ZNF33A: variants seen among roughly 807,000 people sequenced by gnomAD.
ZNF33A encodes zinc finger protein 33A, also known as brain my041 protein.
A neutral mutation model predicts 15.9 loss-of-function variants in ZNF33A; 9 were observed. The ratio of observed to expected loss-of-function variants is 0.57; its 90% CI spans 0.34 to 0.99. The LOEUF is 0.99. Ranked by LOEUF, ZNF33A falls within the 50% of genes least tolerant of loss-of-function variation. The probability of loss-of-function intolerance (pLI) is 0.02; values close to 1 mark genes in which losing one functional copy is unlikely to be tolerated. For missense variants in ZNF33A, 843 were observed against 941.6 expected, an observed-to-expected ratio of 0.90 and a Z score of 1.37; for synonymous variants, 294 against 324.2, an observed-to-expected ratio of 0.91 and a Z score of 1.00.
At chr10:38,033,744 G>A (rs539701921) in intron 4 of ZNF33A, among the ~76,000 whole-genome samples, 11 of 148,998 alleles carry the variant, frequency 7.4e-5, no homozygotes, top group Non-Finnish European at 1.5e-4. Context: ...ATGGAGTCTC[G>A]CTCTGTTTGC....
In ZNF33A at chr10:38,057,961, A is replaced by G; in HGVS notation, c.*1401A>G. ...GGGTTGAGGCTGGAGCAGAACCAGA[A>G]TCAAGCTGGTGTGGGGCTTTTATTG... On this transcript the variant is annotated 3_prime_UTR_variant, in exon 5 of 5. Transcript: ENST00000432900. 1.0e-6 allele frequency: 1 copy of G among 985,422 alleles called. No homozygotes were observed. Among genetic ancestry groups the G allele is most frequent in the Non-Finnish European group, 1.2e-6 (1 of 829,952 alleles). The allele number at this position is 985,422 out of a possible 1,614,324, so 61.0% of individuals were successfully genotyped here.
At position 38,054,881 on chromosome 10, in the gene ZNF33A, G is replaced by T. The variant is rs1429830149; in HGVS notation, c.757G>T (p.Gly253Trp). Residue 253 changes from glycine (G) to tryptophan (W), a missense_variant, in exon 5 of 5, where the codon GGG (glycine) becomes TGG (tryptophan). Gly to Trp is a radical substitution (Grantham distance 184). Coordinates refer to ENST00000432900, the MANE Select transcript of ZNF33A (RefSeq NM_006954.2). ...GAATAACTGTGATTATAATGAATTT[G>T]GGAGAACTTTGTGTGATAGTTCATC... Reference protein sequence around the residue: ...EENNCDYNEFGRTLCDSSSLL... With the variant: ...EENNCDYNEFWRTLCDSSSLL... The T allele has an allele frequency of 4.3e-6, 7 of 1,613,666 alleles. No individual in the cohort carries two copies. Among genetic ancestry groups the T allele is most frequent in the Admixed American group, 1.7e-5 (1 of 59,966 alleles).
In ZNF33A at chr10:38,017,565, A is replaced by G. The variant is rs1202487217; in HGVS notation, c.250+179A>G. 6.5e-6 allele frequency: 3 copies of G among 462,526 alleles called. No individual in the cohort carries two copies. The East Asian group carries it at 1.1e-4, about 17-fold the overall frequency. The allele number at this position is 462,526 out of a possible 1,614,324, so 28.7% of individuals were successfully genotyped here. ...AACTTCCAGATACTACTCACAAAAA[A>G]TTCCTCCTTTTTGAATCGTTTTTTG... On this transcript the variant is annotated intron_variant, in intron 4 of 4. Transcript: ENST00000432900.
At position 38,022,485 on chromosome 10, in the gene ZNF33A, C is replaced by T. The variant is rs772138182; in HGVS notation, c.250+5099C>T. On this transcript the variant is annotated intron_variant, in intron 4 of 4. Coordinates refer to ENST00000432900, the MANE Select transcript of ZNF33A (RefSeq NM_006954.2). ...CACCCTGGCCAACATGGTGAAACTC[C>T]GTCTCTACTAAAAATACAAAAATTA... Among the ~76,000 whole-genome samples, 4 of 151,936 alleles carry T rather than the reference C, an allele frequency of 2.6e-5. No homozygotes were observed. The East Asian group carries it at 5.8e-4, about 22-fold the overall frequency.
chr10:38,062,717 C>A (rs1200112115), downstream of ZNF33A, among the ~76,000 whole-genome samples: 1 of 151,074 alleles, frequency 6.6e-6, no homozygotes, highest in Admixed American at 6.6e-5. Context: ...CTTTAAAAAA[C>A]AAAAGGCTGG....
At chr10:38,039,387 T>C in intron 4 of ZNF33A, 1 of 443,922 alleles carries the variant, frequency 2.3e-6, no homozygotes, top group South Asian at 1.6e-5. Flanking sequence ...CACACCCAGC[T>C]AATTTTTTGT....
intron 4 of ZNF33A, among the ~76,000 whole-genome samples, chr10:38,026,086 T>C (rs2064973913): frequency 1.3e-5 from 2 of 152,212 alleles, no homozygotes; most frequent in East Asian, 3.9e-4. Flanking sequence ...TTCAACTGTA[T>C]TGTAACAAGT....
At chr10:38,027,282 A>ATT (rs1475085580) in intron 4 of ZNF33A, among the ~76,000 whole-genome samples, 1 of 151,664 alleles carries the variant, frequency 6.6e-6, no homozygotes, top group Non-Finnish European at 1.5e-5. Flanking sequence ...TTTTACTGGA[A>ATT]TTTTTGTGTG....
In ZNF33A at chr10:38,059,511, A is replaced by G. The variant is rs1048862; in HGVS notation, c.*2951A>G. On this transcript the variant is annotated 3_prime_UTR_variant, in exon 5 of 5. Transcript: ENST00000432900. ...AGCAATTACAGCAGGATTGCAGGAT[A>G]CAGTCCTCAGGTAGATGATAAAAAG... 6.6e-6 allele frequency: 1 copy of G among 152,268 alleles called. No individual in the cohort carries two copies. The allele number at this position is 152,268 out of a possible 1,614,324, so 9.4% of individuals were successfully genotyped here.
rs2066439303 is a variant in ZNF33A, at chr10:38,055,647, A to G, written c.1523A>G (p.His508Arg). The G allele has an allele frequency of 1.9e-6, 3 of 1,614,132 alleles. No individual in the cohort carries two copies. The highest frequency in any genetic ancestry group is 1.7e-6 in the Non-Finnish European group (2 of 1,180,004). The change falls in exon 5 of 5, where the codon CAC becomes CGC. Residue 508 changes from histidine (H) to arginine (R), a missense_variant. By Grantham distance (29) the His-to-Arg change is conservative. Coordinates refer to ENST00000432900, the MANE Select transcript of ZNF33A (RefSeq NM_006954.2). ...AATGCATGTGGGAAAACTTTCTACCACAAGTCATTACTCACCAGGCATCAG... is the reference window on the plus strand; with the variant it reads ...AATGCATGTGGGAAAACTTTCTACCGCAAGTCATTACTCACCAGGCATCAG... ...ECNACGKTFYHKSLLTRHQII... is the reference protein window; with the variant it reads ...ECNACGKTFYRKSLLTRHQII...
intron 4 of ZNF33A, among the ~76,000 whole-genome samples, chr10:38,043,130 GT>G (rs1320980923): frequency 2.0e-5 from 3 of 151,836 alleles, no homozygotes; most frequent in African/African-American, 7.3e-5. Context: ...GTTTCTATTT[GT>G]TTTTTAATTT....
In ZNF33A at chr10:38,016,885, C is replaced by T. The variant is rs2064473040; in HGVS notation, c.24C>T (p.Ser8=). The part of the protein sequence containing the change: MNKVEQK[S]QESVSFKDVT... ...GAATGTTTCAGGTAGAACAGAAGTC[C>T]CAGGAGTCAGTATCATTTAAAGATG... Residue 8 remains serine (S), a synonymous_variant, in exon 3 of 5, where the codon TCC becomes TCT. Coordinates refer to ENST00000432900, the MANE Select transcript of ZNF33A (RefSeq NM_006954.2). 1 of 1,613,764 alleles carries T rather than the reference C, an allele frequency of 6.2e-7. No homozygotes were observed. Among genetic ancestry groups the T allele is most frequent in the Non-Finnish European group, 8.5e-7 (1 of 1,179,936 alleles).
intron 4 of ZNF33A, among the ~76,000 whole-genome samples, chr10:38,040,559 C>T (rs1201350487): frequency 2.0e-5 from 3 of 152,096 alleles, no homozygotes; most frequent in Admixed American, 1.3e-4. Context: ...AAATTCCCCT[C>T]TTTATCCTTA....
intron 4 of ZNF33A, among the ~76,000 whole-genome samples, chr10:38,049,544 G>A (rs570049708): frequency 6.6e-6 from 1 of 152,058 alleles, no homozygotes; most frequent in Admixed American, 6.5e-5. Flanking sequence ...TATGTGTAAT[G>A]TATATTGTGT....
chr10:38,036,472 C>T (rs2065460007), intron 4 of ZNF33A, among the ~76,000 whole-genome samples: 5 of 152,032 alleles, frequency 3.3e-5, no homozygotes, highest in Middle Eastern at 3.4e-3. Flanking sequence ...CTGTAACCCG[C>T]CACATCAACA....
intron 4 of ZNF33A, among the ~76,000 whole-genome samples, chr10:38,018,805 A>T (rs1590473631): frequency 6.6e-6 from 1 of 152,242 alleles, no homozygotes; most frequent in East Asian, 1.9e-4. Context: ...AAAGTATTTG[A>T]AGAAGTAATG....
At chr10:38,033,526 G>A (rs1306642434) in intron 4 of ZNF33A, among the ~76,000 whole-genome samples, 1 of 152,126 alleles carries the variant, frequency 6.6e-6, no homozygotes, top group Non-Finnish European at 1.5e-5. Flanking sequence ...CTTGGGAACT[G>A]CCTGATTGTT....
intron 4 of ZNF33A, among the ~76,000 whole-genome samples, chr10:38,032,739 C>T (rs970896346): frequency 4.6e-5 from 7 of 151,522 alleles, no homozygotes; most frequent in African/African-American, 2.4e-5. Context: ...GTGTGAACCA[C>T]CGCACCTTGC....
chr10:38,057,268 G>A lies in ZNF33A; in HGVS notation c.*708G>A, dbSNP rs1011242326. ...ATTACAAAGGATTTAGCCTCAAGTA[G>A]TTCCCTTTTTGTATTAATAACCACA... On this transcript the variant is annotated 3_prime_UTR_variant, in exon 5 of 5. Coordinates refer to ENST00000432900, the MANE Select transcript of ZNF33A (RefSeq NM_006954.2). 4.0e-5 allele frequency: 39 copies of A among 984,980 alleles called. No homozygotes were observed. Among genetic ancestry groups the A allele is most frequent in the Non-Finnish European group, 4.2e-5 (35 of 829,526 alleles). The allele number at this position is 984,980 out of a possible 1,614,324, so 61.0% of individuals were successfully genotyped here.
Sources: gnomAD v4.1 joint callset for allele counts (sites outside exome capture counted in the v4.1 genomes callset) on GRCh38, gnomAD v4.1.1 for gene constraint, MANE v1.5 for transcripts, NCBI Gene and HGNC (gene_info 2026-07-23, HGNC 2026-07-21) for gene names.